The following ARRDC5 variants were observed in gnomAD, a reference collection of about 807,000 sequenced individuals.
ARRDC5 encodes the protein arrestin domain-containing protein 5.
Under a neutral mutation model 13.3 loss-of-function variants are expected in ARRDC5, and 12 were observed. That is an observed-to-expected ratio of 0.90 (90% CI 0.58 to 1.46). The LOEUF (loss-of-function observed/expected upper bound fraction) is 1.46. Ranked by LOEUF, ARRDC5 falls within the 40% of genes most tolerant of loss-of-function variation. The probability of loss-of-function intolerance (pLI) is 0.00; values close to 1 mark genes in which losing one functional copy is unlikely to be tolerated. For synonymous variants in ARRDC5, 181 were observed against 173.4 expected, an observed-to-expected ratio of 1.04 and a Z score of -0.34; for missense variants, 406 against 418.7, an observed-to-expected ratio of 0.97 and a Z score of 0.26.
At chr19:4,901,312 C>G (rs1349894733) in intron 1 of ARRDC5, among the ~76,000 whole-genome samples, 1 of 152,026 alleles carries the variant, frequency 6.6e-6, no homozygotes, top group Non-Finnish European at 1.5e-5. Context: ...GAGCGAGGCC[C>G]TGTCTCAAAA....
intron 2 of ARRDC5, among the ~76,000 whole-genome samples, chr19:4,893,726 CAAAAA>C (rs61307077): frequency 3.5e-5 from 2 of 56,926 alleles, no homozygotes; most frequent in Non-Finnish European, 3.0e-5. Flanking sequence ...ACCCTGTCTC[CAAAAA>C]AAAAAAAAAA....
the ARRDC5 span, among the ~76,000 whole-genome samples, chr19:4,908,755 C>G: frequency 6.6e-6 from 1 of 152,194 alleles, no homozygotes; most frequent in Non-Finnish European, 1.5e-5. Flanking sequence ...TTGCCTGTCT[C>G]CCCCAGATAG....
At chr19:4,911,350 G>C in the ARRDC5 span, among the ~76,000 whole-genome samples, 1 of 152,134 alleles carries the variant, frequency 6.6e-6, no homozygotes, top group Non-Finnish European at 1.5e-5. Context: ...GGAGGTGGCC[G>C]ATGGAAGGCT....
chr19:4,909,538 C>T, the ARRDC5 span: 7 of 658,840 alleles, frequency 1.1e-5, no homozygotes, highest in African/African-American at 1.9e-5. Flanking sequence ...GTTTGCCGAG[C>T]GGGCGCTCCG....
chr19:4,910,317 CG>C, the ARRDC5 span: 1 of 112,850 alleles, frequency 8.9e-6, no homozygotes, highest in South Asian at 2.7e-4. Context: ...CACCGCGGGG[CG>C]GGCCCGGTCG....
chr19:4,892,927 AC>A (rs1447597275), intron 2 of ARRDC5, among the ~76,000 whole-genome samples: 17 of 150,132 alleles, frequency 1.1e-4, no homozygotes, highest in Admixed American at 2.7e-4. Flanking sequence ...ACTTGGTGAA[AC>A]CCCGTCTCTA....
the ARRDC5 span, among the ~76,000 whole-genome samples, chr19:4,914,812 C>T: frequency 6.6e-6 from 1 of 152,178 alleles, no homozygotes; most frequent in East Asian, 1.9e-4. Flanking sequence ...TTAGATAGGG[C>T]TAATACCCAC....
chr19:4,899,204 C>G (rs543826510), intron 1 of ARRDC5, among the ~76,000 whole-genome samples: 1 of 151,188 alleles, frequency 6.6e-6, no homozygotes, highest in Non-Finnish European at 1.5e-5. Flanking sequence ...CCCAGCTACT[C>G]GGGAGGCCAA....
At chr19:4,915,271 C>T in the ARRDC5 span, among the ~76,000 whole-genome samples, 1 of 152,192 alleles carries the variant, frequency 6.6e-6, no homozygotes, top group African/African-American at 2.4e-5. Context: ...AGCTCCCACC[C>T]ACTGCGGCAT....
chr19:4,891,521 T>A lies in ARRDC5; in HGVS notation c.512A>T (p.Gln171Leu). 1 of 1,613,858 alleles carries A rather than the reference T, an allele frequency of 6.2e-7. No individual in the cohort carries two copies. Among genetic ancestry groups the A allele is most frequent in the East Asian group, 2.2e-5 (1 of 44,876 alleles). Residue 171 changes from glutamine to leucine, a missense_variant, in exon 3 of 3, where the codon CAG (glutamine) becomes CTG (leucine). Physicochemically the swap from Gln to Leu is moderately radical, Grantham distance 113. Transcript: ENST00000650722. ...CTGGATTTGCAAACAGACAGTGCCC[T>A]GGCGGCAGCAGTTGTAGGAGACTTT... ...EEKVSYNCCR[Q>L]GTVCLQIQME...
chr19:4,896,782 G>T lies in ARRDC5; in HGVS notation c.348C>A (p.Val116=). The T allele has an allele frequency of 6.2e-7, 1 of 1,613,768 alleles. No homozygotes were observed. The highest frequency in any genetic ancestry group is 8.5e-7 in the Non-Finnish European group (1 of 1,179,780). ...TGCAGGAAGCTTGTACGAAATAGAA[G>T]ACATGGCCAAATTTGCTGGTGAAGG... is the stretch of plus-strand genomic sequence containing the variant. ...PSTFTSKFGH[V]FYFVQASCMG... is the part of the protein sequence containing the mutation. The change falls in exon 2 of 3, where the codon GTC becomes GTA. Residue 116 remains valine, a synonymous_variant. Transcript: ENST00000650722.
At chr19:4,894,104 C>T (rs2031615819) in intron 2 of ARRDC5, among the ~76,000 whole-genome samples, 1 of 149,200 alleles carries the variant, frequency 6.7e-6, no homozygotes, top group South Asian at 2.1e-4. Context: ...ACAGCCGGTG[C>T]GGTGGCTCAC....
At chr19:4,912,468 C>A in the ARRDC5 span, among the ~76,000 whole-genome samples, 1 of 152,190 alleles carries the variant, frequency 6.6e-6, no homozygotes, top group Non-Finnish European at 1.5e-5. Context: ...GGAGATAATG[C>A]TGAGTATCCA....
At chr19:4,913,924 G>T in the ARRDC5 span, among the ~76,000 whole-genome samples, 1 of 147,290 alleles carries the variant, frequency 6.8e-6, no homozygotes, top group South Asian at 2.1e-4. Context: ...CGATTCTTCT[G>T]CCTCAGCCTC....
rs1170800693 is a variant in ARRDC5 at position 4,891,528 on chromosome 19, A to G, written c.505T>C (p.Cys169Arg). 6.2e-7 allele frequency: 1 copy of G among 1,613,734 alleles called. No homozygotes were observed. The highest frequency in any genetic ancestry group is 1.3e-5 in the African/African-American group (1 of 74,936). ...EAEEKVSYNCCRQGTVCLQIQ... is the reference protein window; with the variant it reads ...EAEEKVSYNCRRQGTVCLQIQ... The stretch of plus-strand genomic sequence containing the variant: ...TGCAAACAGACAGTGCCCTGGCGGC[A>G]GCAGTTGTAGGAGACTTTCTCCTCA... Residue 169 changes from cysteine (C) to arginine (R), a missense_variant, in exon 3 of 3, where the codon TGC (cysteine) becomes CGC (arginine). Coordinates refer to ENST00000650722, the MANE Select transcript of ARRDC5 (RefSeq NM_001080523.3).
chr19:4,903,938 A>G (rs1318425401), upstream of ARRDC5, among the ~76,000 whole-genome samples: 1 of 152,118 alleles, frequency 6.6e-6, no homozygotes, highest in Non-Finnish European at 1.5e-5. Context: ...TAATCTGAAC[A>G]TCGACACCAT....
chr19:4,894,606 C>T (rs1464764535), intron 2 of ARRDC5, among the ~76,000 whole-genome samples: 3 of 146,474 alleles, frequency 2.0e-5, no homozygotes, highest in Non-Finnish European at 3.0e-5. Flanking sequence ...ATGGCATGAA[C>T]CTGGGAGGCA....
intron 1 of ARRDC5, among the ~76,000 whole-genome samples, chr19:4,897,488 G>A (rs1265661670): frequency 4.6e-5 from 7 of 152,140 alleles, no homozygotes; most frequent in Non-Finnish European, 5.9e-5. Flanking sequence ...GAAAGTGGAA[G>A]TCAGGCCTTC....
At chr19:4,899,786 A>AAAT in intron 1 of ARRDC5, among the ~76,000 whole-genome samples, 1 of 140,178 alleles carries the variant, frequency 7.1e-6, no homozygotes, top group Non-Finnish European at 1.6e-5. Context: ...AAAAAAAAAA[A>AAAT]AAATTAGCCA....
Sources: gnomAD v4.1 joint callset for allele counts (sites outside exome capture counted in the v4.1 genomes callset) on GRCh38, gnomAD v4.1.1 for gene constraint, MANE v1.5 for transcripts, NCBI Gene and HGNC (gene_info 2026-07-23, HGNC 2026-07-21) for gene names.